SYNM: variants seen among roughly 807,000 people sequenced by gnomAD.
SYNM encodes synemin, also known as desmuslin.
In SYNM, 95 loss-of-function variants were observed where a neutral mutation model predicts 104.0. That is an observed-to-expected ratio of 0.91 (90% confidence interval 0.77 to 1.08). The LOEUF is 1.08. SYNM is among the 50% of genes least tolerant of loss of function. The probability of loss-of-function intolerance (pLI) is 0.00; values close to 1 mark genes in which losing one functional copy is unlikely to be tolerated. For missense variants in SYNM, 2,150 were observed against 2,052.2 expected, an observed-to-expected ratio of 1.05 and a Z score of -0.92; for synonymous variants, 918 against 869.0, an observed-to-expected ratio of 1.06 and a Z score of -0.99.
At chr15:99,113,737 G>A (rs1555483646) in intron 2 of SYNM, 22 bp downstream of exon 2, 2 of 1,612,448 alleles carry the variant, frequency 1.2e-6, no homozygotes, top group South Asian at 1.1e-5. Context: ...GTGCTGAGTT[G>A]GCCTTGACGA....
chr15:99,123,516 C>G (rs2067420305), intron 2 of SYNM, among the ~76,000 whole-genome samples: 1 of 152,198 alleles, frequency 6.6e-6, no homozygotes, highest in African/African-American at 2.4e-5. Context: ...CTTCTGTTCC[C>G]TGGTCTTCCC....
chr15:99,129,005 T>G, intron 3 of SYNM: 1 of 197,234 alleles, frequency 5.1e-6, no homozygotes, highest in East Asian at 1.2e-4. Flanking sequence ...AAAGCAGAAA[T>G]TAATGATTTC....
chr15:99,105,486 A>T lies in SYNM; in HGVS notation c.287A>T (p.Gln96Leu), dbSNP rs1555482435. ...DALRRELREL[Q>L]RLDAEERAAR... ...CTGCGGCGCGAGCTGCGGGAGCTGC[A>T]GCGCCTGGATGCGGAGGAGCGCGCC... The change falls in exon 1 of 4, where the codon CAG (glutamine) becomes CTG (leucine). Residue 96 changes from glutamine (Q) to leucine (L), a missense_variant. Gln to Leu is a moderately radical substitution (Grantham distance 113). Coordinates refer to ENST00000336292, the MANE Select transcript of SYNM (RefSeq NM_145728.3). The T allele has an allele frequency of 3.0e-6, 4 of 1,354,818 alleles. No homozygotes were observed. The highest frequency in any genetic ancestry group is 6.7e-5 in the Admixed American group (2 of 29,830). The allele number at this position is 1,354,818 out of a possible 1,614,324, so 83.9% of individuals were successfully genotyped here.
chr15:99,105,911 C>G lies in SYNM; in HGVS notation c.712C>G (p.Arg238Gly), dbSNP rs782720545. 2 of 1,531,916 alleles carry G rather than the reference C, an allele frequency of 1.3e-6. No individual in the cohort carries two copies. The highest frequency in any genetic ancestry group is 2.8e-5 in the African/African-American group (2 of 71,686). The allele number at this position is 1,531,916 out of a possible 1,614,324, so 94.9% of individuals were successfully genotyped here. ...RLCAQEAEAL[R>G]REALGLEQLR... is the part of the protein sequence containing the mutation. The stretch of plus-strand genomic sequence containing the variant: ...GTGCGCGCAGGAGGCAGAGGCGCTG[C>G]GGCGCGAGGCGCTCGGGTTGGAGCA... The change falls in exon 1 of 4, where the codon CGG becomes GGG. Residue 238 changes from arginine (R) to glycine (G), a missense_variant. Transcript: ENST00000336292.
chr15:99,133,785 G>A lies in SYNM; in HGVS notation c.*727G>A, dbSNP rs782242486. 1 of 153,082 alleles carries A rather than the reference G, an allele frequency of 6.5e-6. No individual in the cohort carries two copies. Among genetic ancestry groups the A allele is most frequent in the Non-Finnish European group, 1.5e-5 (1 of 68,424 alleles). 9.5% of individuals were successfully genotyped at this position (153,082 alleles called of 1,614,324 possible). On this transcript the variant is annotated 3_prime_UTR_variant, in exon 4 of 4. Coordinates refer to ENST00000336292, the MANE Select transcript of SYNM (RefSeq NM_145728.3). ...AGATGATTATTGGGAATCGCTTACAGTACCATTTCATTTTTTGGCACTAGG... is the reference window on the plus strand; with the variant it reads ...AGATGATTATTGGGAATCGCTTACAATACCATTTCATTTTTTGGCACTAGG...
intron 2 of SYNM, among the ~76,000 whole-genome samples, chr15:99,120,101 G>A (rs1405445864): frequency 6.6e-6 from 1 of 152,212 alleles, no homozygotes; most frequent in African/African-American, 2.4e-5. Flanking sequence ...CGTTCAAGGA[G>A]GTTACTTAAA....
rs964973056 is a variant in SYNM at position 99,113,616 on chromosome 15, A to T, written c.836A>T (p.Glu279Val). Reference protein sequence around the residue: ...RQRVIDCLEDEKATLTLAMAD... With the variant: ...RQRVIDCLEDVKATLTLAMAD... ...AGAGTGATTGACTGCCTGGAGGATG[A>T]GAAGGCAACCCTCACCTTGGCCATG... Residue 279 changes from glutamate to valine, a missense_variant, in exon 2 of 4, where the codon GAG becomes GTG. Transcript: ENST00000336292. 4 of 1,613,490 alleles carry T rather than the reference A, an allele frequency of 2.5e-6. No individual in the cohort carries two copies. In the African/African-American group the frequency reaches 5.3e-5, roughly 22 times the overall value.
downstream of SYNM, chr15:99,139,926 A>C (rs1450948838): frequency 5.5e-6 from 2 of 365,778 alleles, no homozygotes; most frequent in Non-Finnish European, 9.9e-6. Context: ...TGCTTACTTT[A>C]AGTCTTGCCA....
chr15:99,105,750 A>T lies in SYNM; in HGVS notation c.551A>T (p.His184Leu). The change falls in exon 1 of 4, where the codon CAC becomes CTC. Residue 184 changes from histidine (H) to leucine (L), a missense_variant. Physicochemically the swap from His to Leu is moderately conservative, Grantham distance 99. Transcript: ENST00000336292. ...CCGCCGCCACGCCTGCGGGAGGTGC[A>T]CGACAGCTACGCACTGCTGGTGGCC... ...AAPPPRLREV[H>L]DSYALLVAES... 2.0e-6 allele frequency: 3 copies of T among 1,530,682 alleles called. No homozygotes were observed. The highest frequency in any genetic ancestry group is 4.0e-5 in the Admixed American group (2 of 49,920). 94.8% of individuals were successfully genotyped at this position (1,530,682 alleles called of 1,614,324 possible).
chr15:99,115,842 C>T (rs1965866), intron 2 of SYNM, among the ~76,000 whole-genome samples: 53,745 of 152,136 alleles, frequency 0.35, 9,851 homozygotes, highest in Middle Eastern at 0.5. Context: ...CTGGCTGATA[C>T]GTTGCTTGTA....
chr15:99,108,149 A>G (rs2067267422), intron 1 of SYNM, among the ~76,000 whole-genome samples: 1 of 151,522 alleles, frequency 6.6e-6, no homozygotes, highest in African/African-American at 2.4e-5. Flanking sequence ...TAATTTTTGT[A>G]TTTTTAGTAG....
Position 99,105,743 on chromosome 15 carries a change from G to A in SYNM, c.544G>A (p.Glu182Lys). The change falls in exon 1 of 4, where the codon GAG becomes AAG. Residue 182 changes from glutamate to lysine, a missense_variant. Transcript: ENST00000336292. ...CGCCGCGCCGCCGCCACGCCTGCGGGAGGTGCACGACAGCTACGCACTGCT... is the reference window on the plus strand; with the variant it reads ...CGCCGCGCCGCCGCCACGCCTGCGGAAGGTGCACGACAGCTACGCACTGCT... ...GPAAPPPRLR[E>K]VHDSYALLVA... The A allele has an allele frequency of 1.3e-6, 2 of 1,514,006 alleles. No homozygotes were observed. Among genetic ancestry groups the A allele is most frequent in the African/African-American group, 1.5e-5 (1 of 68,904 alleles). 93.8% of individuals were successfully genotyped at this position (1,514,006 alleles called of 1,614,324 possible).
At chr15:99,126,635 T>C in intron 2 of SYNM, 87 bp from the exon 3 acceptor site, 3 of 1,281,970 alleles carry the variant, frequency 2.3e-6, no homozygotes, top group Non-Finnish European at 2.2e-6. Flanking sequence ...ACTATGGTCA[T>C]TGGCCGCATA....
At position 99,132,662 on chromosome 15, in the gene SYNM, C is replaced by T. The variant is rs2067523910; in HGVS notation, c.4302C>T (p.Asp1434=). ...CATTTGTGCTTGCTGGTTCAGCGGA[C>T]TCCCCTGAGCTAGGCAAGTTAGCAG... The part of the protein sequence containing the change: ...SRTFVLAGSA[D]SPELGKLADS... The change falls in exon 4 of 4, where the codon GAC becomes GAT. Residue 1434 remains aspartate, a synonymous_variant. Transcript: ENST00000336292. The T allele has an allele frequency of 6.2e-7, 1 of 1,613,946 alleles. No individual in the cohort carries two copies. Among genetic ancestry groups the T allele is most frequent in the African/African-American group, 1.3e-5 (1 of 74,936 alleles).
At chr15:99,114,155 A>G (rs2067325278) in intron 2 of SYNM, among the ~76,000 whole-genome samples, 1 of 152,238 alleles carries the variant, frequency 6.6e-6, no homozygotes, top group African/African-American at 2.4e-5. Context: ...TAATTTACAA[A>G]GGAAAGAGGT....
chr15:99,132,645 C>G lies in SYNM; in HGVS notation c.4285C>G (p.Leu1429Val), dbSNP rs782190167. ...TGGACCCGTGTCCAGAACATTTGTG[C>G]TTGCTGGTTCAGCGGACTCCCCTGA... ...IRGPVSRTFV[L>V]AGSADSPELG... The change falls in exon 4 of 4, where the codon CTT becomes GTT. Residue 1429 changes from leucine (L) to valine (V), a missense_variant. Physicochemically the swap from Leu to Val is conservative, Grantham distance 32. Coordinates refer to ENST00000336292, the MANE Select transcript of SYNM (RefSeq NM_145728.3). 1.9e-6 allele frequency: 3 copies of G among 1,614,034 alleles called. No homozygotes were observed. The South Asian group carries it at 3.3e-5, about 18-fold the overall frequency.
chr15:99,111,196 C>G (rs1247899604), intron 1 of SYNM, among the ~76,000 whole-genome samples: 1 of 152,140 alleles, frequency 6.6e-6, no homozygotes, highest in Admixed American at 6.5e-5. Flanking sequence ...TCTTGACCTG[C>G]TCAGGAGGTT....
rs1555485671 is a variant in SYNM, at chr15:99,130,791, AAC to A, written c.2434_2435del (p.Thr812AspfsTer11). 6.2e-7 allele frequency: 1 copy of A among 1,613,958 alleles called. No homozygotes were observed. Among genetic ancestry groups the A allele is most frequent in the South Asian group, 1.1e-5 (1 of 91,074 alleles). ...QHRRTKQPQE[N>X]TTHVEEVTEA... ...TCGAAGGACCAAGCAGCCTCAGGAG[AAC>A]ACGACTCACGTGGAAGAAGTGACAG... On this transcript the variant is annotated frameshift_variant, in exon 4 of 4. Coordinates refer to ENST00000336292, the MANE Select transcript of SYNM (RefSeq NM_145728.3). LOFTEE classifies it high-confidence loss of function.
intron 2 of SYNM, among the ~76,000 whole-genome samples, chr15:99,117,169 A>T (rs554567307): frequency 9.6e-6 from 1 of 104,236 alleles, no homozygotes; most frequent in Admixed American, 1.0e-4. Flanking sequence ...TCCAAACCGT[A>T]TCAAATCCTT....
Sources: gnomAD v4.1 joint callset for allele counts (sites outside exome capture counted in the v4.1 genomes callset) on GRCh38, gnomAD v4.1.1 for gene constraint, MANE v1.5 for transcripts, NCBI Gene and HGNC (gene_info 2026-07-23, HGNC 2026-07-21) for gene names.